Variants in CSRNP3 observed in about 807,000 individuals in gnomAD.
CSRNP3 encodes the protein cysteine and serine rich nuclear protein 3.
In CSRNP3, 12 loss-of-function variants were observed where a neutral mutation model predicts 48.0. The ratio of observed to expected loss-of-function variants is 0.25; its 90% CI spans 0.16 to 0.41. The LOEUF is 0.41. CSRNP3 is among the 10% of genes least tolerant of loss of function. The pLI, the probability that CSRNP3 is intolerant of heterozygous loss-of-function variation, is 1.00. For synonymous variants in CSRNP3, 263 were observed against 269.7 expected, an observed-to-expected ratio of 0.98 and a Z score of 0.24; for missense variants, 580 against 724.4, an observed-to-expected ratio of 0.80 and a Z score of 2.29.
chr2:165,573,771 G>A (rs1014410934), intron 3 of CSRNP3, among the ~76,000 whole-genome samples: 1 of 152,144 alleles, frequency 6.6e-6, no homozygotes, highest in African/African-American at 2.4e-5. Context: ...ACGCCTGTAA[G>A]ATGCTGTTTA....
At chr2:165,533,808 C>T (rs189274183) in intron 3 of CSRNP3, among the ~76,000 whole-genome samples, 129 of 151,882 alleles carry the variant, frequency 8.5e-4, no homozygotes, top group African/African-American at 2.8e-3. Context: ...ATTACTGATA[C>T]GGGACTAGTA....
rs1227448381 is a variant in CSRNP3, at chr2:165,572,762, G to C, written c.-23-22281G>C. On this transcript the variant is annotated intron_variant, in intron 3 of 6. Coordinates refer to ENST00000651982, the MANE Select transcript of CSRNP3 (RefSeq NM_001172173.2). ...TTAAATTGTCGATGTAGTCAGATGTGACAGAGAAATGTTGATATCATTATA... is the reference window on the plus strand; with the variant it reads ...TTAAATTGTCGATGTAGTCAGATGTCACAGAGAAATGTTGATATCATTATA... 5.3e-5 allele frequency among the ~76,000 whole-genome samples: 8 copies of C among 152,294 alleles called. No homozygotes were observed. The East Asian group carries it at 1.4e-3, about 26-fold the overall frequency.
chr2:165,571,780 T>C (rs2105274699), intron 3 of CSRNP3, among the ~76,000 whole-genome samples: 3 of 152,244 alleles, frequency 2.0e-5, no homozygotes, highest in Admixed American at 2.0e-4. Flanking sequence ...TTCATCTATA[T>C]ACATTAATAA....
chr2:165,524,793 C>A (rs1379215046), intron 3 of CSRNP3, among the ~76,000 whole-genome samples: 2 of 152,174 alleles, frequency 1.3e-5, no homozygotes, highest in African/African-American at 2.4e-5. Flanking sequence ...TGTTAAGTAG[C>A]ATTTATTTGT....
rs59117817 is a variant in CSRNP3, at chr2:165,674,681, AATATATATATATATAT to A, written c.409-1613_409-1598del. 2.8e-4 allele frequency among the ~76,000 whole-genome samples: 29 copies of A among 103,200 alleles called. 2 individuals are homozygous for A. Among genetic ancestry groups the A allele is most frequent in the South Asian group, 2.3e-3 (7 of 3,094 alleles). 67.7% of individuals were successfully genotyped at this position (103,200 alleles called of 152,430 possible). ...ATTCATATATATATAAATACTTCTGAATATATATATATATATATATATATATATATATAATTTGTTT... is the reference window on the plus strand; with the variant it reads ...ATTCATATATATATAAATACTTCTGAATATATATATATATATAATTTGTTT... On this transcript the variant is annotated intron_variant, in intron 5 of 6. Coordinates refer to ENST00000651982, the MANE Select transcript of CSRNP3 (RefSeq NM_001172173.2).
intron 3 of CSRNP3, among the ~76,000 whole-genome samples, chr2:165,567,404 TTG>T (rs776941726): frequency 6.6e-6 from 1 of 152,152 alleles, no homozygotes; most frequent in Non-Finnish European, 1.5e-5. Flanking sequence ...CTGTGTCACT[TTG>T]TATAAAGACT....
chr2:165,495,382 A>T (rs766477013), intron 2 of CSRNP3, among the ~76,000 whole-genome samples: 2 of 152,036 alleles, frequency 1.3e-5, no homozygotes, highest in African/African-American at 2.4e-5. Flanking sequence ...AAGCCTTGAG[A>T]TCCTATAGTT....
chr2:165,681,971 A>G lies in CSRNP3; in HGVS notation c.*2218A>G, dbSNP rs1401001220. 1 of 151,588 alleles carries G rather than the reference A, an allele frequency of 6.6e-6. No homozygotes were observed. Among genetic ancestry groups the G allele is most frequent in the Admixed American group, 6.6e-5 (1 of 15,162 alleles). 9.4% of individuals were successfully genotyped at this position (151,588 alleles called of 1,614,324 possible). On this transcript the variant is annotated 3_prime_UTR_variant, in exon 7 of 7. Coordinates refer to ENST00000651982, the MANE Select transcript of CSRNP3 (RefSeq NM_001172173.2). ...GGCTATTGTTCCTTCATTCAAGCAC[A>G]TGAAAGGATCATGTGTACTGTATTT...
chr2:165,511,094 T>G (rs1471985978), intron 2 of CSRNP3, among the ~76,000 whole-genome samples: 1 of 152,170 alleles, frequency 6.6e-6, no homozygotes, highest in African/African-American at 2.4e-5. Flanking sequence ...CAGAGTCAAG[T>G]TCTGTTGAGA....
At position 165,657,695 on chromosome 2, in the gene CSRNP3, A is replaced by G. The variant is rs748780351; in HGVS notation, c.149-66A>G. 4.1e-4 allele frequency: 648 copies of G among 1,576,376 alleles called. 2 individuals are homozygous for G. Among genetic ancestry groups the G allele is most frequent in the Non-Finnish European group, 5.3e-4 (618 of 1,155,186 alleles). ...GATAGATTCAAGATCACCAAATGGC[A>G]TTTTCTTGGCCTTGTCTGAAAACTG... On this transcript the variant is annotated intron_variant, in intron 4 of 6. Transcript: ENST00000651982.
intron 4 of CSRNP3, among the ~76,000 whole-genome samples, chr2:165,643,882 AT>A (rs886449572): frequency 6.6e-6 from 1 of 152,116 alleles, no homozygotes; most frequent in African/African-American, 2.4e-5. Context: ...AAGCAATATG[AT>A]TTTTTTATAG....
At chr2:165,538,708 T>C (rs1006821967) in intron 3 of CSRNP3, among the ~76,000 whole-genome samples, 2 of 151,946 alleles carry the variant, frequency 1.3e-5, no homozygotes, top group African/African-American at 4.8e-5. Context: ...TTCCCTTACT[T>C]TCTGTTGAAG....
intron 3 of CSRNP3, among the ~76,000 whole-genome samples, chr2:165,580,864 GT>G (rs61668829): frequency 2.1e-4 from 31 of 148,998 alleles, no homozygotes; most frequent in Admixed American, 1.7e-3. Context: ...TGTGTGTTTT[GT>G]TTTTTTTTTC....
rs562195056 is a variant in CSRNP3, at chr2:165,511,023, G to A, written c.-112-6850G>A. Among the ~76,000 whole-genome samples the A allele has an allele frequency of 2.6e-5, 4 of 152,294 alleles. No individual in the cohort carries two copies. The South Asian group carries it at 8.3e-4, about 32-fold the overall frequency. On this transcript the variant is annotated intron_variant, in intron 2 of 6. Transcript: ENST00000651982. ...AGCAAATGAGGTAGGAAATAAACTA[G>A]GATTGTGTGGTATCCTAGAAGCCAA...
intron 4 of CSRNP3, among the ~76,000 whole-genome samples, chr2:165,631,396 T>C (rs1387013113): frequency 6.6e-6 from 1 of 152,200 alleles, no homozygotes; most frequent in Non-Finnish European, 1.5e-5. Flanking sequence ...AGGGAGCTGT[T>C]TACTTTGGTG....
rs113292249 is a variant in CSRNP3, at chr2:165,609,022, G to A, written c.148+13809G>A. ...CTTAGGAGGCTGAGGCAGGAGAATG[G>A]CGTGAACCTGGAAGGCAGAGCTTGC... On this transcript the variant is annotated intron_variant, in intron 4 of 6. Transcript: ENST00000651982. 8.1e-3 allele frequency among the ~76,000 whole-genome samples: 1,217 copies of A among 151,084 alleles called. 19 individuals are homozygous for A. The highest frequency in any genetic ancestry group is 0.028 in the African/African-American group (1,153 of 41,124).
intron 5 of CSRNP3, among the ~76,000 whole-genome samples, chr2:165,669,644 G>C (rs1252565163): frequency 6.6e-6 from 1 of 152,114 alleles, no homozygotes; most frequent in Non-Finnish European, 1.5e-5. Context: ...ACAGTTATCA[G>C]TGCATACGAA....
In CSRNP3 at chr2:165,657,760, GC is replaced by G; in HGVS notation, c.149del (p.Pro50LeufsTer11). The G allele has an allele frequency of 6.2e-7, 1 of 1,612,502 alleles. No individual in the cohort carries two copies. Among genetic ancestry groups the G allele is most frequent in the Non-Finnish European group, 8.5e-7 (1 of 1,178,680 alleles). On this transcript the variant is annotated frameshift_variant and splice_region_variant, in exon 5 of 7. Transcript: ENST00000651982. LOFTEE classifies it high-confidence loss of function. Reference protein sequence around the residue: ...VNPSTSSHFTPSSILKREKRL... With the variant: ...VNPSTSSHFTXSSILKREKRL... ...CACAGGATTGTTTCTTTCTCTTTCA[GC>G]TTCCTCCATTCTCAAAAGGGAGAAA...
chr2:165,564,954 A>C (rs1685279144), intron 3 of CSRNP3, among the ~76,000 whole-genome samples: 2 of 152,086 alleles, frequency 1.3e-5, no homozygotes, highest in Admixed American at 1.3e-4. Context: ...AGGGCAAATA[A>C]ATATTGTATA....
Sources: allele counts gnomAD v4.1 joint callset (sites outside exome capture counted in the v4.1 genomes callset), GRCh38; gene constraint gnomAD v4.1.1; transcripts MANE v1.5; gene names NCBI Gene and HGNC (gene_info 2026-07-23, HGNC 2026-07-21).